MARCHF10: variants seen among roughly 807,000 people sequenced by gnomAD.
MARCHF10 encodes the protein membrane associated ring-CH-type finger 10.
A neutral mutation model predicts 76.2 loss-of-function variants in MARCHF10; 64 were observed. That is an observed-to-expected ratio of 0.84 (90% CI 0.69 to 1.03). The LOEUF (loss-of-function observed/expected upper bound fraction) is 1.03, where lower values mean the gene tolerates loss of function less well. Ranked by LOEUF, MARCHF10 falls within the 50% of genes least tolerant of loss-of-function variation. The pLI, the probability that MARCHF10 is intolerant of heterozygous loss-of-function variation, is 0.00. For synonymous variants in MARCHF10, 340 were observed against 357.5 expected (o/e 0.95, Z 0.55); for missense variants, 875 against 958.0 (o/e 0.91, Z 1.14).
In MARCHF10 at chr17:62,781,191, G is replaced by A. The variant is rs114436166; in HGVS notation, c.210+7289C>T. On this transcript the variant is annotated intron_variant, in intron 3 of 10. Transcript: ENST00000311269. ...CTCTAAAATTAAGTTGCCATATTAG[G>A]TTGGCTTTTAAAAATGTGGCCTGGG... 5.3e-3 allele frequency among the ~76,000 whole-genome samples: 806 copies of A among 152,232 alleles called. 5 individuals carry two copies. The highest frequency in any genetic ancestry group is 0.018 in the African/African-American group (766 of 41,530).
At chr17:62,731,403 C>T (rs909850725) in intron 6 of MARCHF10, among the ~76,000 whole-genome samples, 2 of 152,088 alleles carry the variant, frequency 1.3e-5, no homozygotes, top group Non-Finnish European at 1.5e-5. Context: ...GCTGTGACTA[C>T]TGGTGTGCGC....
intron 2 of MARCHF10, among the ~76,000 whole-genome samples, chr17:62,789,539 T>C (rs927701080): frequency 1.3e-5 from 2 of 152,184 alleles, no homozygotes; most frequent in African/African-American, 4.8e-5. Context: ...TAGGTAGTTG[T>C]TTGTGGTTTT....
chr17:62,743,550 T>C (rs76225092), intron 5 of MARCHF10, among the ~76,000 whole-genome samples: 10,782 of 151,962 alleles, frequency 0.071, 833 homozygotes, highest in African/African-American at 0.19. Context: ...GGCTGAGGCA[T>C]GTGAATTGCT....
intron 3 of MARCHF10, among the ~76,000 whole-genome samples, chr17:62,761,669 AT>A (rs1332093629): frequency 1.3e-5 from 2 of 152,156 alleles, no homozygotes; most frequent in Non-Finnish European, 2.9e-5. Context: ...TGATCAACCC[AT>A]CTCAGCCTCC....
chr17:62,749,511 G>A (rs1195413707), intron 4 of MARCHF10, among the ~76,000 whole-genome samples: 1 of 152,216 alleles, frequency 6.6e-6, no homozygotes, highest in Non-Finnish European at 1.5e-5. Flanking sequence ...AATCGCAGGA[G>A]CCAATGTTGC....
intron 8 of MARCHF10, among the ~76,000 whole-genome samples, chr17:62,716,944 G>C (rs191100985): frequency 6.6e-6 from 1 of 152,166 alleles, no homozygotes; most frequent in Non-Finnish European, 1.5e-5. Flanking sequence ...GTTTGGAAGC[G>C]AGGGGAAGGG....
At chr17:62,715,700 G>C (rs879330318) in intron 8 of MARCHF10, among the ~76,000 whole-genome samples, 1 of 152,208 alleles carries the variant, frequency 6.6e-6, no homozygotes, top group East Asian at 1.9e-4. Context: ...AGGTCCCTGG[G>C]GTCCCACAGC....
chr17:62,724,908 C>T (rs545694476), intron 7 of MARCHF10, 30 bp downstream of exon 7: 1 of 1,607,088 alleles, frequency 6.2e-7, no homozygotes, highest in East Asian at 2.3e-5. Context: ...CATGTCGTGG[C>T]ACGTTCACTG....
chr17:62,766,913 C>G (rs1292017879), intron 3 of MARCHF10, among the ~76,000 whole-genome samples: 1 of 152,114 alleles, frequency 6.6e-6, no homozygotes, highest in Non-Finnish European at 1.5e-5. Flanking sequence ...TCTGTTGCAC[C>G]CATTCTAAAT....
chr17:62,772,975 T>C (rs917317045), intron 3 of MARCHF10, among the ~76,000 whole-genome samples: 2 of 152,204 alleles, frequency 1.3e-5, no homozygotes, highest in Admixed American at 6.5e-5. Context: ...ACTATTTCAA[T>C]AAAAGTGGGT....
In MARCHF10 at chr17:62,736,791, T is replaced by C; in HGVS notation, c.1077A>G (p.Ala359=). ...PSHGSLRISN[A]MEPATERPSA... ...AAGGCCGCTCTGTTGCTGGCTCCAT[T>C]GCATTGCTTATTCTCAATGAGCCAT... The change falls in exon 6 of 11, where the codon GCA becomes GCG. Residue 359 remains alanine, a synonymous_variant. Coordinates refer to ENST00000311269, the MANE Select transcript of MARCHF10 (RefSeq NM_152598.4). 6.2e-7 allele frequency: 1 copy of C among 1,614,216 alleles called. No homozygotes were observed. The highest frequency in any genetic ancestry group is 1.3e-5 in the African/African-American group (1 of 75,060).
intron 3 of MARCHF10, among the ~76,000 whole-genome samples, chr17:62,778,098 T>C (rs371483424): frequency 6.6e-6 from 1 of 152,324 alleles, no homozygotes; most frequent in East Asian, 1.9e-4. Context: ...CAGAAAGATG[T>C]ACCCCATGGT....
intron 2 of MARCHF10, among the ~76,000 whole-genome samples, chr17:62,798,930 G>C (rs527386673): frequency 4.0e-4 from 61 of 152,336 alleles, no homozygotes; most frequent in Admixed American, 5.9e-4. Context: ...CATCCTCCAA[G>C]ATGTGGGGAC....
At chr17:62,704,832 C>T (rs2089475684) in intron 10 of MARCHF10, 1 of 688,906 alleles carries the variant, frequency 1.5e-6, no homozygotes, top group African/African-American at 1.9e-5. Context: ...CTCTGGGGAC[C>T]CAGTTGTCAC....
intron 4 of MARCHF10, among the ~76,000 whole-genome samples, chr17:62,753,867 C>T (rs1274171232): frequency 6.6e-6 from 1 of 152,250 alleles, no homozygotes; most frequent in East Asian, 1.9e-4. Flanking sequence ...TTCTGGTTCC[C>T]CATTACCCGG....
chr17:62,769,634 G>A (rs1036360335), intron 3 of MARCHF10, among the ~76,000 whole-genome samples: 2 of 152,030 alleles, frequency 1.3e-5, no homozygotes, highest in Admixed American at 1.3e-4. Context: ...GGCTGGTCTC[G>A]AACTCCTGAG....
At chr17:62,702,261 G>C (rs2089286582) in intron 10 of MARCHF10, among the ~76,000 whole-genome samples, 2 of 152,082 alleles carry the variant, frequency 1.3e-5, no homozygotes. Context: ...AGGTGGAGTT[G>C]GTGGGGGTGG....
chr17:62,775,204 C>G (rs567277942), intron 3 of MARCHF10, among the ~76,000 whole-genome samples: 52 of 150,120 alleles, frequency 3.5e-4, no homozygotes, highest in African/African-American at 1.1e-3. Flanking sequence ...CCACTCACTG[C>G]AACCTCTGCC....
intron 3 of MARCHF10, among the ~76,000 whole-genome samples, chr17:62,775,064 G>GA (rs1404860290): frequency 6.7e-6 from 1 of 149,244 alleles, no homozygotes. Flanking sequence ...CCACAAAAAA[G>GA]AAAAAACAAA....
Sources: gnomAD v4.1 joint callset for allele counts (sites outside exome capture counted in the v4.1 genomes callset) on GRCh38, gnomAD v4.1.1 for gene constraint, MANE v1.5 for transcripts, NCBI Gene and HGNC (gene_info 2026-07-23, HGNC 2026-07-21) for gene names.